The following NISCH variants were observed in gnomAD, a reference collection of about 807,000 sequenced individuals.
The protein encoded by NISCH is nischarin.
Under a neutral mutation model 138.4 loss-of-function variants are expected in NISCH, and 55 were observed. The ratio of observed to expected loss-of-function variants is 0.40; its 90% CI spans 0.32 to 0.50. NISCH has a LOEUF of 0.50. Among genes scored for constraint, NISCH ranks in the 20% least tolerant of loss-of-function variants. The pLI is 0.71. For missense variants in NISCH, 1,643 were observed against 2,005.5 expected (o/e 0.82, Z 3.45); for synonymous variants, 860 against 861.5 (o/e 1.00, Z 0.03).
chr3:52,455,617 C>A lies in NISCH; in HGVS notation c.-25C>A. 1 of 1,299,322 alleles carries A rather than the reference C, an allele frequency of 7.7e-7. No homozygotes were observed. The allele number at this position is 1,299,322 out of a possible 1,614,324, so 80.5% of individuals were successfully genotyped here. ...CCTGCTGCTGCTAGTCTGCGCCGGG[C>A]GGCGGTGGCGGCGGAGACCCGAACA... is the stretch of plus-strand genomic sequence containing the variant. On this transcript the variant is annotated 5_prime_UTR_variant, in exon 1 of 21. Coordinates refer to ENST00000345716, the MANE Select transcript of NISCH (RefSeq NM_007184.4).
chr3:52,478,771 C>T (rs1707179081), intron 11 of NISCH, among the ~76,000 whole-genome samples, 194 bp downstream of exon 11: 1 of 152,204 alleles, frequency 6.6e-6, no homozygotes, highest in Admixed American at 6.5e-5. Flanking sequence ...TCTCCTGCCC[C>T]TACTGTCTGG....
chr3:52,457,313 T>C (rs1467581846), intron 1 of NISCH, among the ~76,000 whole-genome samples: 1 of 152,216 alleles, frequency 6.6e-6, no homozygotes, highest in African/African-American at 2.4e-5. Context: ...TGTGCCTTGA[T>C]TCCTGGCTCA....
At chr3:52,488,744 G>A in intron 16 of NISCH, 139 bp downstream of exon 16, 1 of 709,028 alleles carries the variant, frequency 1.4e-6, no homozygotes, top group African/African-American at 1.8e-5. Context: ...CCCCCCCCGG[G>A]CCTCCCTCTA....
At position 52,478,241 on chromosome 3, in the gene NISCH, T is replaced by A; in HGVS notation, c.1132T>A (p.Ser378Thr). 1.2e-6 allele frequency: 2 copies of A among 1,614,112 alleles called. No homozygotes were observed. The highest frequency in any genetic ancestry group is 1.7e-6 in the Non-Finnish European group (2 of 1,179,984). Reference protein sequence around the residue: ...ESLSGLHKLYSLVNLDLRDNR... With the variant: ...ESLSGLHKLYTLVNLDLRDNR... ...TCTGAGTGGCCTGCACAAGCTCTAC[T>A]CACTGGTCAACCTGGATCTCCGGGA... The change falls in exon 10 of 21, where the codon TCA (serine) becomes ACA (threonine). Residue 378 changes from serine (S) to threonine (T), a missense_variant. Transcript: ENST00000345716.
intron 3 of NISCH, among the ~76,000 whole-genome samples, chr3:52,468,253 C>T (rs149491647): frequency 3.0e-4 from 45 of 152,068 alleles, no homozygotes; most frequent in East Asian, 1.7e-3. Flanking sequence ...AGCGAGACCC[C>T]GTCTCAAAAA....
chr3:52,465,767 C>T (rs539180031), intron 3 of NISCH, among the ~76,000 whole-genome samples: 27 of 152,278 alleles, frequency 1.8e-4, no homozygotes, highest in African/African-American at 6.3e-4. Context: ...ACGGTTTAGT[C>T]CAAGTCAGTC....
intron 3 of NISCH, among the ~76,000 whole-genome samples, chr3:52,461,376 T>G (rs921964651): frequency 2.0e-5 from 3 of 152,158 alleles, no homozygotes; most frequent in Non-Finnish European, 4.4e-5. Flanking sequence ...CAGGGACAGG[T>G]GGAAAAGTAG....
rs1398245984 is a variant in NISCH, at chr3:52,487,077, G to C, written c.1704-119G>C. 8.6e-7 allele frequency: 1 copy of C among 1,162,034 alleles called. No individual in the cohort carries two copies. Among genetic ancestry groups the C allele is most frequent in the Non-Finnish European group, 1.2e-6 (1 of 829,700 alleles). The allele number at this position is 1,162,034 out of a possible 1,614,324, so 72.0% of individuals were successfully genotyped here. A position where few individuals can be genotyped will look rare whatever the true frequency, so the allele number is the denominator to read the frequency against. ...ACTGACTTGGCCATGTGGGAGGCTT[G>C]GGAGACCCATGGGTTGGTTTCTCAG... On this transcript the variant is annotated intron_variant, in intron 15 of 20. Coordinates refer to ENST00000345716, the MANE Select transcript of NISCH (RefSeq NM_007184.4). The surrounding 1 kb of genome is among the most constrained non-coding windows in gnomAD (Gnocchi z 9.1).
In NISCH at chr3:52,487,420, A is replaced by G. The variant is rs1234890937; in HGVS notation, c.1928A>G (p.Glu643Gly). Residue 643 changes from glutamate to glycine, a missense_variant, in exon 16 of 21, where the codon GAG becomes GGG. Coordinates refer to ENST00000345716, the MANE Select transcript of NISCH (RefSeq NM_007184.4). This position sits in a 1 kb window ranked among gnomAD's most constrained non-coding sequence, Gnocchi z 9.1. ...CAGGGCGAGGAGGAGGATGAGGAGG[A>G]GGAAGAAGAGGAGGACGTGGCTGAG... is the stretch of plus-strand genomic sequence containing the variant. ...GEQGEEEDEEEEEEEDVAENR... is the reference protein window; with the variant it reads ...GEQGEEEDEEGEEEEDVAENR... The G allele has an allele frequency of 6.2e-7, 1 of 1,611,596 alleles. No individual in the cohort carries two copies. Among genetic ancestry groups the G allele is most frequent in the Non-Finnish European group, 8.5e-7 (1 of 1,178,166 alleles).
intron 15 of NISCH, chr3:52,486,651 A>G (rs1364458844): frequency 6.5e-6 from 1 of 153,222 alleles, no homozygotes; most frequent in Admixed American, 6.5e-5. Flanking sequence ...TGAAGATCGT[A>G]TGGACATGGT....
At chr3:52,490,958 A>AC in intron 19 of NISCH, 125 bp downstream of exon 19, 2 of 1,349,414 alleles carry the variant, frequency 1.5e-6, no homozygotes, top group Non-Finnish European at 2.1e-6. Flanking sequence ...CCACTTCTTA[A>AC]CCGGGGTGGG....
intron 13 of NISCH, among the ~76,000 whole-genome samples, chr3:52,483,781 T>G (rs1355233982): frequency 6.6e-6 from 1 of 152,220 alleles, no homozygotes; most frequent in Non-Finnish European, 1.5e-5. Flanking sequence ...GACGGGGTCA[T>G]GTCTAGTCAC....
chr3:52,487,249 T>A lies in NISCH; in HGVS notation c.1757T>A (p.Ile586Asn), dbSNP rs774588760. Residue 586 changes from isoleucine to asparagine, a missense_variant, in exon 16 of 21, where the codon ATC becomes AAC. Coordinates refer to ENST00000345716, the MANE Select transcript of NISCH (RefSeq NM_007184.4). This position sits in a 1 kb window ranked among gnomAD's most constrained non-coding sequence, Gnocchi z 9.1. ...GTGGTGCCGGGGTCTGGCCAGATCA[T>A]CTTCCTGCCCTTCACCTGCATTGGC... The part of the protein sequence containing the change: ...VQVVPGSGQI[I>N]FLPFTCIGYT... 1.9e-6 allele frequency: 3 copies of A among 1,614,102 alleles called. No homozygotes were observed. In the African/African-American group the frequency reaches 4.0e-5, roughly 22 times the overall value.
intron 3 of NISCH, among the ~76,000 whole-genome samples, chr3:52,467,299 G>A (rs1420886973): frequency 6.6e-6 from 1 of 151,982 alleles, no homozygotes; most frequent in South Asian, 2.1e-4. Context: ...GTGCCCAGCC[G>A]AGAATGTCCT....
At position 52,485,798 on chromosome 3, in the gene NISCH, G is replaced by C. The variant is rs767052265; in HGVS notation, c.1674G>C (p.Arg558Ser). 2 of 1,583,184 alleles carry C rather than the reference G, an allele frequency of 1.3e-6. No individual in the cohort carries two copies. The highest frequency in any genetic ancestry group is 2.3e-5 in the South Asian group (2 of 86,738). Reference protein sequence around the residue: ...PAGQAASDDLRDVPGAVGGAS... With the variant: ...PAGQAASDDLSDVPGAVGGAS... ...ATCAGGCAGCTTCCGATGATTTAAG[G>C]GACGTGCCAGGAGCTGTTGGTGGTG... is the stretch of plus-strand genomic sequence containing the variant. The change falls in exon 15 of 21, where the codon AGG (arginine) becomes AGC (serine). Residue 558 changes from arginine (R) to serine (S), a missense_variant. Transcript: ENST00000345716.
At chr3:52,476,189 C>T in intron 7 of NISCH, 1 of 444,418 alleles carries the variant, frequency 2.3e-6, no homozygotes. Context: ...GGGCAAAGGC[C>T]CTTTGGGCTT....
intron 12 of NISCH, 86 bp downstream of exon 12, chr3:52,479,948 C>A: frequency 8.7e-7 from 1 of 1,154,104 alleles, no homozygotes; most frequent in Non-Finnish European, 1.3e-6. Flanking sequence ...CATGGGACTG[C>A]TCAGGGCTGC....
chr3:52,463,666 A>G (rs544296212), intron 3 of NISCH, among the ~76,000 whole-genome samples: 98 of 134,226 alleles, frequency 7.3e-4, no homozygotes, highest in Non-Finnish European at 4.0e-4. Flanking sequence ...GTGGTATCTC[A>G]TTGTGGTTTT....
At chr3:52,486,755 G>A (rs1248915796) in intron 15 of NISCH, among the ~76,000 whole-genome samples, 2 of 152,218 alleles carry the variant, frequency 1.3e-5, no homozygotes, top group Non-Finnish European at 2.9e-5. Flanking sequence ...AAGAAGAGCT[G>A]GAATTTAAGT....
Sources: allele counts gnomAD v4.1 joint callset (sites outside exome capture counted in the v4.1 genomes callset), GRCh38; gene constraint gnomAD v4.1.1; non-coding constraint Gnocchi (gnomAD v3.1); transcripts MANE v1.5; gene names NCBI Gene and HGNC (gene_info 2026-07-23, HGNC 2026-07-21).